Variants in ZCWPW1 observed in about 807,000 individuals in gnomAD.
ZCWPW1 encodes zinc finger CW-type PWWP domain protein 1.
In ZCWPW1, 56 loss-of-function variants were observed where a neutral mutation model predicts 81.3. The observed-to-expected ratio is 0.69, with a 90% confidence interval of 0.56 to 0.86. The LOEUF is 0.86. Among genes scored for constraint, ZCWPW1 ranks in the 40% least tolerant of loss-of-function variants. ZCWPW1 has a pLI of 0.00. For synonymous variants in ZCWPW1, 250 were observed against 273.7 expected, an observed-to-expected ratio of 0.91 and a Z score of 0.86; for missense variants, 650 against 769.8, an observed-to-expected ratio of 0.84 and a Z score of 1.84.
At chr7:100,422,129 C>T (rs1033276973) in intron 2 of ZCWPW1, among the ~76,000 whole-genome samples, 1 of 152,164 alleles carries the variant, frequency 6.6e-6, no homozygotes, top group Admixed American at 6.5e-5. Context: ...AGATTGGTAA[C>T]ATTTTACACT....
chr7:100,417,381 GC>G (rs1795478248), intron 5 of ZCWPW1, 198 bp from the exon 6 acceptor site: 2 of 519,894 alleles, frequency 3.8e-6, no homozygotes, highest in Non-Finnish European at 6.8e-6. Flanking sequence ...AGATCGATCT[GC>G]CTCATTCCAG....
intron 2 of ZCWPW1, among the ~76,000 whole-genome samples, chr7:100,422,451 A>G (rs1359408244): frequency 6.6e-6 from 1 of 152,262 alleles, no homozygotes; most frequent in Non-Finnish European, 1.5e-5. Context: ...GTATCTACAC[A>G]GCTACAAGCT....
intron 5 of ZCWPW1, 26 bp from the exon 6 acceptor site, chr7:100,417,209 G>A (rs1359763911): frequency 5.7e-6 from 9 of 1,588,590 alleles, no homozygotes; most frequent in Admixed American, 1.8e-5. Flanking sequence ...ACTATAAGCA[G>A]AGAAGCAAAA....
intron 12 of ZCWPW1, among the ~76,000 whole-genome samples, chr7:100,405,386 T>C (rs951705364): frequency 2.6e-5 from 4 of 151,108 alleles, no homozygotes. Flanking sequence ...GAGATTACAC[T>C]ACTGAACTCC....
chr7:100,408,976 A>G (rs114505723), intron 9 of ZCWPW1, among the ~76,000 whole-genome samples: 1 of 152,218 alleles, frequency 6.6e-6, no homozygotes, highest in African/African-American at 2.4e-5. Flanking sequence ...ATGGAGCACC[A>G]TAAGAATAAT....
Position 100,407,276 on chromosome 7 carries a change from A to G in ZCWPW1, c.1020T>C (p.Pro340=). ...TAAAAAGAAAATATTCCCCTAAGTC[A>G]GGATCAGATTCTATCATGCCTGGCC... ...PWWPGMIESD[P]DLGEYFLFTS... The change falls in exon 11 of 18, where the codon CCT becomes CCC. Residue 340 remains proline (P), a synonymous_variant. Coordinates refer to ENST00000684423, the MANE Select transcript of ZCWPW1 (RefSeq NM_001386010.1). The G allele has an allele frequency of 6.2e-7, 1 of 1,613,986 alleles. No homozygotes were observed. Among genetic ancestry groups the G allele is most frequent in the Non-Finnish European group, 8.5e-7 (1 of 1,179,930 alleles).
In ZCWPW1 at chr7:100,403,800, G is replaced by C. The variant is rs780930255; in HGVS notation, c.1322-15C>G. On this transcript the variant is annotated splice_polypyrimidine_tract_variant and intron_variant, in intron 14 of 17. Coordinates refer to ENST00000684423, the MANE Select transcript of ZCWPW1 (RefSeq NM_001386010.1). The stretch of plus-strand genomic sequence containing the variant: ...GAGCTGTAAGTCTAGAACAGGAAAA[G>C]GAAGGAAAGGCTAAATCATTCATAC... 2 of 1,608,730 alleles carry C rather than the reference G, an allele frequency of 1.2e-6. No homozygotes were observed. Among genetic ancestry groups the C allele is most frequent in the Non-Finnish European group, 8.5e-7 (1 of 1,175,588 alleles).
intron 2 of ZCWPW1, among the ~76,000 whole-genome samples, chr7:100,422,349 T>TG (rs1368480459): frequency 6.6e-6 from 1 of 151,878 alleles, no homozygotes; most frequent in Non-Finnish European, 1.5e-5. Flanking sequence ...ACATAGAAAA[T>TG]GACATTTCCA....
intron 4 of ZCWPW1, among the ~76,000 whole-genome samples, 162 bp downstream of exon 4, chr7:100,419,468 T>C (rs1015240693): frequency 3.3e-5 from 5 of 152,118 alleles, no homozygotes; most frequent in African/African-American, 4.8e-5. Flanking sequence ...CAAAACATTT[T>C]TGACCTCTTT....
chr7:100,402,452 T>G lies in ZCWPW1; in HGVS notation c.1474+64A>C, dbSNP rs1792114421. On this transcript the variant is annotated intron_variant, in intron 16 of 17. Coordinates refer to ENST00000684423, the MANE Select transcript of ZCWPW1 (RefSeq NM_001386010.1). Reference sequence around the variant, plus strand: ...CAGTGAGGTCCAGCTACCTGCAGACTCCCTCTCTACCACTTCCCTGCCTTA... The same window carrying G: ...CAGTGAGGTCCAGCTACCTGCAGACGCCCTCTCTACCACTTCCCTGCCTTA... 1.7e-5 allele frequency: 27 copies of G among 1,560,094 alleles called. No individual in the cohort carries two copies. The South Asian group carries it at 2.9e-4, about 17-fold the overall frequency.
At chr7:100,407,179 T>A in intron 11 of ZCWPW1, 49 bp downstream of exon 11, 1 of 1,552,402 alleles carries the variant, frequency 6.4e-7, no homozygotes, top group Non-Finnish European at 8.9e-7. Flanking sequence ...GATGGATTTG[T>A]TCATTACTTT....
chr7:100,416,514 C>T (rs1284190799), intron 6 of ZCWPW1, 58 bp from the exon 7 acceptor site: 10 of 1,581,618 alleles, frequency 6.3e-6, no homozygotes, highest in South Asian at 1.1e-5. Context: ...CAGAACTCTT[C>T]TTCTGAAAAA....
chr7:100,415,298 G>T (rs1795016471), intron 8 of ZCWPW1, among the ~76,000 whole-genome samples: 1 of 151,716 alleles, frequency 6.6e-6, no homozygotes, highest in Admixed American at 6.6e-5. Context: ...GGTCAGGCTG[G>T]TCTTGAACTC....
Position 100,416,011 on chromosome 7 carries a change from T to A in ZCWPW1, c.718A>T (p.Ile240Phe). 6.2e-7 allele frequency: 1 copy of A among 1,614,158 alleles called. No individual in the cohort carries two copies. Among genetic ancestry groups the A allele is most frequent in the Non-Finnish European group, 8.5e-7 (1 of 1,180,032 alleles). Reference protein sequence around the residue: ...LKKTVQDHSQIRDQQKGEISG... With the variant: ...LKKTVQDHSQFRDQQKGEISG... ...ATCTCTCCTTTTTGCTGGTCCCTGA[T>A]CTGAGAATGATCCTGAACTGTTTTC... Residue 240 changes from isoleucine to phenylalanine, a missense_variant, in exon 8 of 18, where the codon ATC becomes TTC. Coordinates refer to ENST00000684423, the MANE Select transcript of ZCWPW1 (RefSeq NM_001386010.1).
chr7:100,423,565 C>T (rs1182223744), intron 2 of ZCWPW1, among the ~76,000 whole-genome samples: 1 of 152,156 alleles, frequency 6.6e-6, no homozygotes, highest in African/African-American at 2.4e-5. Context: ...TTTCTCACTT[C>T]TATAAATGTG....
At chr7:100,416,727 C>A (rs1310586193) in intron 6 of ZCWPW1, among the ~76,000 whole-genome samples, 2 of 152,062 alleles carry the variant, frequency 1.3e-5, no homozygotes, top group African/African-American at 4.8e-5. Flanking sequence ...GCGGGTGGAT[C>A]ACAAGGTCAG....
In ZCWPW1 at chr7:100,401,124, C is replaced by T. The variant is rs753104858; in HGVS notation, c.1840G>A (p.Asp614Asn). 3.1e-6 allele frequency: 5 copies of T among 1,614,252 alleles called. No homozygotes were observed. The South Asian group carries it at 5.5e-5, about 18-fold the overall frequency. Reference protein sequence around the residue: ...PLEDEASSDLDLEQLMEDVGR... With the variant: ...PLEDEASSDLNLEQLMEDVGR... ...ACATCTTCCATGAGTTGCTCCAGGT[C>T]CAGGTCACTGGAGGCTTCGTCCTCA... is the stretch of plus-strand genomic sequence containing the variant. The change falls in exon 18 of 18, where the codon GAC (aspartate) becomes AAC (asparagine). Residue 614 changes from aspartate (D) to asparagine (N), a missense_variant. Asp to Asn is a conservative substitution (Grantham distance 23). Transcript: ENST00000684423.
chr7:100,406,248 A>G (rs968375633), intron 12 of ZCWPW1, among the ~76,000 whole-genome samples: 1 of 152,138 alleles, frequency 6.6e-6, no homozygotes, highest in Non-Finnish European at 1.5e-5. Flanking sequence ...TTTGGTTGTC[A>G]CAACCATGGG....
chr7:100,428,389 T>A (rs113279398), intron 1 of ZCWPW1, among the ~76,000 whole-genome samples, 179 bp downstream of exon 1: 49 of 152,210 alleles, frequency 3.2e-4, no homozygotes, highest in Non-Finnish European at 6.2e-4. Context: ...CACCCGAACG[T>A]CCCGGGAAAA....
Sources: allele counts gnomAD v4.1 joint callset (sites outside exome capture counted in the v4.1 genomes callset), GRCh38; gene constraint gnomAD v4.1.1; transcripts MANE v1.5; gene names NCBI Gene and HGNC (gene_info 2026-07-23, HGNC 2026-07-21).